The following HSD17B4 variants were observed in gnomAD, a reference collection of about 807,000 sequenced individuals.
HSD17B4 encodes the protein hydroxysteroid 17-beta dehydrogenase 4.
In HSD17B4, 70 loss-of-function variants were observed where a neutral mutation model predicts 101.0. The ratio of observed to expected loss-of-function variants is 0.69; its 90% CI spans 0.57 to 0.85. HSD17B4 has a LOEUF of 0.85. Among genes scored for constraint, HSD17B4 ranks in the 40% least tolerant of loss-of-function variants. HSD17B4 has a pLI of 0.00. For synonymous variants in HSD17B4, 347 were observed against 297.1 expected (o/e 1.17, Z -1.73); for missense variants, 984 against 892.4 (o/e 1.10, Z -1.31).
chr5:119,510,524 A>T (rs1752074226), intron 16 of HSD17B4, among the ~76,000 whole-genome samples: 1 of 152,210 alleles, frequency 6.6e-6, no homozygotes, highest in Non-Finnish European at 1.5e-5. Context: ...CAGTATTGGG[A>T]AAAGACTTCT....
intron 16 of HSD17B4, 89 bp downstream of exon 16, chr5:119,509,333 C>T (rs1751955308): frequency 1.1e-6 from 1 of 874,904 alleles, no homozygotes; most frequent in Non-Finnish European, 2.0e-6. Context: ...GTTTGAACTG[C>T]ATGAGCCCAC....
chr5:119,519,272 G>A (rs1249393866), intron 17 of HSD17B4, among the ~76,000 whole-genome samples: 3 of 152,132 alleles, frequency 2.0e-5, no homozygotes, highest in African/African-American at 7.2e-5. Context: ...CAGATGTCAG[G>A]CTTTGTATTT....
chr5:119,530,769 C>T (rs919229303), intron 21 of HSD17B4, among the ~76,000 whole-genome samples: 9 of 138,418 alleles, frequency 6.5e-5, no homozygotes, highest in South Asian at 2.3e-4. Context: ...AGGAGAATCA[C>T]GGGAACCCGG....
At chr5:119,511,286 G>A (rs551026384) in intron 16 of HSD17B4, among the ~76,000 whole-genome samples, 3 of 152,324 alleles carry the variant, frequency 2.0e-5, no homozygotes, top group South Asian at 4.1e-4. Context: ...AGGTGTGACT[G>A]TAGTGATAAG....
intron 7 of HSD17B4, 111 bp downstream of exon 7, chr5:119,477,612 A>G: frequency 4.9e-6 from 4 of 812,778 alleles, no homozygotes; most frequent in South Asian, 2.7e-5. Context: ...ACATTGAGGA[A>G]TATGTACAAC....
chr5:119,502,738 G>A (rs1370943958), intron 14 of HSD17B4, among the ~76,000 whole-genome samples: 1 of 152,062 alleles, frequency 6.6e-6, no homozygotes, highest in African/African-American at 2.4e-5. Flanking sequence ...CAATGTAGAG[G>A]TCGGCAAGTA....
In HSD17B4 at chr5:119,498,859, G is replaced by A. The variant is rs181202545; in HGVS notation, c.973-458G>A. Among the ~76,000 whole-genome samples the A allele has an allele frequency of 7.9e-5, 12 of 152,300 alleles. No homozygotes were observed. In the East Asian group the frequency reaches 1.7e-3, roughly 22 times the overall value. ...CATGCCACTGCACTCCAGCTTGGGC[G>A]AGAGAGCGAGACTCCATCTCAAAAC... On this transcript the variant is annotated intron_variant, in intron 12 of 23. Transcript: ENST00000510025.
intron 8 of HSD17B4, among the ~76,000 whole-genome samples, chr5:119,485,859 A>C (rs1253943000): frequency 6.6e-6 from 1 of 152,202 alleles, no homozygotes; most frequent in African/African-American, 2.4e-5. Flanking sequence ...TCTAAAACTT[A>C]GTGGATTAAA....
At chr5:119,503,955 C>G (rs1437806243) in intron 14 of HSD17B4, among the ~76,000 whole-genome samples, 1 of 152,074 alleles carries the variant, frequency 6.6e-6, no homozygotes, top group Non-Finnish European at 1.5e-5. Context: ...TAGTAGTCCC[C>G]ATTGTCTGTT....
chr5:119,482,727 G>A (rs545176900), intron 8 of HSD17B4, among the ~76,000 whole-genome samples: 2 of 152,008 alleles, frequency 1.3e-5, no homozygotes, highest in East Asian at 3.9e-4. Context: ...TCTTTGTTAA[G>A]TAGAGTTTGT....
intron 17 of HSD17B4, among the ~76,000 whole-genome samples, chr5:119,515,386 G>T (rs1752525398): frequency 6.6e-6 from 1 of 152,056 alleles, no homozygotes; most frequent in African/African-American, 2.4e-5. Flanking sequence ...GTAAGTGCAG[G>T]ATAAAAATTA....
chr5:119,484,259 T>C (rs1749408788), intron 8 of HSD17B4, among the ~76,000 whole-genome samples: 1 of 152,212 alleles, frequency 6.6e-6, no homozygotes, highest in African/African-American at 2.4e-5. Flanking sequence ...TTTTGTTCTA[T>C]AGACTATTCC....
chr5:119,493,725 T>A, intron 10 of HSD17B4, 93 bp from the exon 11 acceptor site: 3 of 1,198,068 alleles, frequency 2.5e-6, no homozygotes, highest in Non-Finnish European at 3.7e-6. Context: ...TTTCTGAATT[T>A]CCTTTCTCTT....
intron 9 of HSD17B4, 95 bp from the exon 10 acceptor site, chr5:119,492,005 A>G: frequency 1.1e-6 from 1 of 911,792 alleles, no homozygotes; most frequent in South Asian, 1.3e-5. Flanking sequence ...GAATTCTAAT[A>G]CTGCTAGTAG....
intron 16 of HSD17B4, among the ~76,000 whole-genome samples, chr5:119,510,544 A>G (rs1205589430): frequency 6.6e-6 from 1 of 152,210 alleles, no homozygotes; most frequent in Non-Finnish European, 1.5e-5. Flanking sequence ...TGGAATGGTG[A>G]CGTAAGAAGC....
At chr5:119,532,840 A>C (rs1754229542) in intron 22 of HSD17B4, among the ~76,000 whole-genome samples, 2 of 152,136 alleles carry the variant, frequency 1.3e-5, no homozygotes, top group African/African-American at 4.8e-5. Flanking sequence ...AAACTCCAGA[A>C]ACCAAAAAGC....
chr5:119,486,755 G>A (rs1749646039), intron 8 of HSD17B4, among the ~76,000 whole-genome samples: 1 of 152,134 alleles, frequency 6.6e-6, no homozygotes, highest in Non-Finnish European at 1.5e-5. Flanking sequence ...ACAAGAACAA[G>A]AATTTTTCTA....
intron 21 of HSD17B4, 134 bp downstream of exon 21, chr5:119,530,114 T>G: frequency 1.4e-6 from 1 of 700,438 alleles, no homozygotes; most frequent in South Asian, 1.5e-5. Context: ...GTGAAAAACA[T>G]TAATTCAAAA....
At chr5:119,517,939 T>C (rs1752783234) in intron 17 of HSD17B4, among the ~76,000 whole-genome samples, 1 of 152,176 alleles carries the variant, frequency 6.6e-6, no homozygotes, top group Non-Finnish European at 1.5e-5. Flanking sequence ...CTAGCTAATC[T>C]GATGGGGACG....
Sources: allele counts gnomAD v4.1 joint callset (sites outside exome capture counted in the v4.1 genomes callset), GRCh38; gene constraint gnomAD v4.1.1; transcripts MANE v1.5; gene names NCBI Gene and HGNC (gene_info 2026-07-23, HGNC 2026-07-21).